The following TNKS variants were observed in gnomAD, a reference collection of about 807,000 sequenced individuals.
TNKS encodes the protein tankyrase, also known as poly [ADP-ribose] polymerase tankyrase-1.
TNKS carries 72 observed loss-of-function variants against 135.8 expected under a neutral mutation model. The ratio of observed to expected loss-of-function variants is 0.53; its 90% CI spans 0.44 to 0.64. The LOEUF (loss-of-function observed/expected upper bound fraction) is 0.64. Ranked by LOEUF, TNKS falls within the 30% of genes least tolerant of loss-of-function variation. The pLI is 0.00. For missense variants in TNKS, 1,769 were observed against 1,674.0 expected, an observed-to-expected ratio of 1.06 and a Z score of -0.99; for synonymous variants, 849 against 649.3, an observed-to-expected ratio of 1.31 and a Z score of -4.68.
intron 5 of TNKS, among the ~76,000 whole-genome samples, chr8:9,688,943 G>A (rs1368490407): frequency 6.7e-6 from 1 of 150,270 alleles, no homozygotes; most frequent in Non-Finnish European, 1.5e-5. Flanking sequence ...TCCCGGCCCA[G>A]CAAGTTTTTT....
chr8:9,776,069 A>C (rs534864668), intron 26 of TNKS, among the ~76,000 whole-genome samples: 6 of 152,014 alleles, frequency 3.9e-5, no homozygotes, highest in African/African-American at 1.2e-4. Flanking sequence ...GAAAAAAGAG[A>C]AAGAGAATAT....
chr8:9,773,034 C>CAAAT (rs1056584417), intron 26 of TNKS, among the ~76,000 whole-genome samples: 5 of 151,036 alleles, frequency 3.3e-5, no homozygotes, highest in African/African-American at 1.2e-4. Context: ...TAGCTGTTTC[C>CAAAT]AAATAAAAAG....
Position 9,556,185 on chromosome 8 carries a change from C to G in TNKS, c.246C>G (p.Asp82Glu), listed in dbSNP as rs1331900587. The change falls in exon 1 of 27, where the codon GAC becomes GAG. Residue 82 changes from aspartate (D) to glutamate (E), a missense_variant. Transcript: ENST00000310430. ...RDPPDRPRSP[D>E]PVDGTSCCST... is the part of the protein sequence containing the mutation. The stretch of plus-strand genomic sequence containing the variant: ...CGCCCGACAGGCCCCGATCCCCGGA[C>G]CCGGTTGACGGTACCAGCTGTTGCA... 1 of 1,613,128 alleles carries G rather than the reference C, an allele frequency of 6.2e-7. No individual in the cohort carries two copies. The highest frequency in any genetic ancestry group is 8.5e-7 in the Non-Finnish European group (1 of 1,179,372).
At chr8:9,732,484 G>A (rs1437680190) in intron 14 of TNKS, among the ~76,000 whole-genome samples, 1 of 150,960 alleles carries the variant, frequency 6.6e-6, no homozygotes, top group Non-Finnish European at 1.5e-5. Flanking sequence ...GGACACATCA[G>A]ACATGAATAT....
chr8:9,572,822 A>C (rs1357802164), intron 1 of TNKS, among the ~76,000 whole-genome samples: 2 of 152,296 alleles, frequency 1.3e-5, no homozygotes, highest in East Asian at 3.9e-4. Flanking sequence ...AGTGTCTGGA[A>C]CCGCTAGTGT....
Position 9,680,624 on chromosome 8 carries a change from CAA to C in TNKS, c.1032-99_1032-98del. On this transcript the variant is annotated intron_variant, in intron 4 of 26. Transcript: ENST00000310430. Reference sequence around the variant, plus strand: ...TTATTGTGATCCATGTAAAAGAAATCAAAGCAAACCCATATTTTACTCTCGTG... The same window carrying C: ...TTATTGTGATCCATGTAAAAGAAATCAGCAAACCCATATTTTACTCTCGTG... 4.0e-6 allele frequency: 3 copies of C among 745,332 alleles called. 1 individual carries two copies. In the South Asian group the frequency reaches 5.2e-5, roughly 13 times the overall value. 46.2% of individuals were successfully genotyped at this position (745,332 alleles called of 1,614,324 possible). A position where few individuals can be genotyped will look rare whatever the true frequency, so the allele number is the denominator to read the frequency against.
intron 11 of TNKS, among the ~76,000 whole-genome samples, chr8:9,711,253 G>A (rs755420640): frequency 2.6e-5 from 4 of 152,096 alleles, no homozygotes; most frequent in Non-Finnish European, 5.9e-5. Flanking sequence ...CAAAGATGAT[G>A]CCAGCACTCT....
intron 5 of TNKS, among the ~76,000 whole-genome samples, chr8:9,696,256 C>G (rs563690734): frequency 6.6e-6 from 1 of 152,170 alleles, no homozygotes; most frequent in South Asian, 2.1e-4. Context: ...AACCAACCAG[C>G]AAGGACTGAG....
chr8:9,613,191 A>C (rs938571054), intron 2 of TNKS, among the ~76,000 whole-genome samples: 1 of 152,214 alleles, frequency 6.6e-6, no homozygotes, highest in African/African-American at 2.4e-5. Context: ...TAAAATATTT[A>C]CTATCAGGCC....
chr8:9,696,124 C>T (rs1210582909), intron 5 of TNKS, among the ~76,000 whole-genome samples: 1 of 152,058 alleles, frequency 6.6e-6, no homozygotes, highest in African/African-American at 2.4e-5. Flanking sequence ...GGGGAGTTGT[C>T]AGTTCATGGG....
intron 3 of TNKS, among the ~76,000 whole-genome samples, chr8:9,618,930 TC>T (rs1182718831): frequency 1.3e-5 from 2 of 152,238 alleles, no homozygotes; most frequent in Non-Finnish European, 2.9e-5. Context: ...ACATAAATGT[TC>T]CCAAAGACAT....
chr8:9,602,758 C>G (rs746386346), intron 2 of TNKS, among the ~76,000 whole-genome samples: 2 of 152,114 alleles, frequency 1.3e-5, no homozygotes, highest in African/African-American at 2.4e-5. Context: ...AATGTGATAC[C>G]AACTTAATAA....
chr8:9,703,827 G>A (rs1239321520), intron 5 of TNKS, among the ~76,000 whole-genome samples: 2 of 152,156 alleles, frequency 1.3e-5, no homozygotes. Context: ...CTTTAAATTA[G>A]CAAAGGTGGA....
chr8:9,678,747 A>G lies in TNKS; in HGVS notation c.995-1204A>G, dbSNP rs1378887816. On this transcript the variant is annotated intron_variant, in intron 3 of 26. Coordinates refer to ENST00000310430, the MANE Select transcript of TNKS (RefSeq NM_003747.3). Reference sequence around the variant, plus strand: ...ATTCTGCATTCTTTAGCAAAACAAAATGCGAAGTCCATATTTACACATAAG... The same window carrying G: ...ATTCTGCATTCTTTAGCAAAACAAAGTGCGAAGTCCATATTTACACATAAG... Among the ~76,000 whole-genome samples, 4 of 152,216 alleles carry G rather than the reference A, an allele frequency of 2.6e-5. No homozygotes were observed. In the East Asian group the frequency reaches 5.8e-4, roughly 22 times the overall value.
chr8:9,729,697 A>G (rs551663393), intron 13 of TNKS, among the ~76,000 whole-genome samples: 3 of 151,838 alleles, frequency 2.0e-5, no homozygotes, highest in African/African-American at 7.2e-5. Context: ...TTATAAATTA[A>G]TCTCCATCCC....
At chr8:9,729,258 A>G in intron 13 of TNKS, among the ~76,000 whole-genome samples, 1 of 152,206 alleles carries the variant, frequency 6.6e-6, no homozygotes, top group East Asian at 1.9e-4. Flanking sequence ...TTGGAGATTA[A>G]GTTTCAACAT....
chr8:9,748,281 T>C (rs1806340897), intron 18 of TNKS, 69 bp downstream of exon 18: 4 of 1,286,186 alleles, frequency 3.1e-6, no homozygotes, highest in Non-Finnish European at 4.0e-6. Flanking sequence ...ATTCTCGGGT[T>C]CACCAGCTTA....
At chr8:9,576,466 CTTTTTTTTT>C in intron 1 of TNKS, among the ~76,000 whole-genome samples, 1 of 131,518 alleles carries the variant, frequency 7.6e-6, no homozygotes, top group African/African-American at 2.8e-5. Context: ...CCACCCCCCT[CTTTTTTTTT>C]TTTTTTTTTT....
At chr8:9,642,374 C>G (rs1218003295) in intron 3 of TNKS, among the ~76,000 whole-genome samples, 1 of 146,312 alleles carries the variant, frequency 6.8e-6, no homozygotes, top group East Asian at 2.1e-4. Flanking sequence ...TACATAGTCA[C>G]AAATTAGAAA....
Sources: gnomAD v4.1 joint callset for allele counts (sites outside exome capture counted in the v4.1 genomes callset) on GRCh38, gnomAD v4.1.1 for gene constraint, MANE v1.5 for transcripts, NCBI Gene and HGNC (gene_info 2026-07-23, HGNC 2026-07-21) for gene names.